SQLE: variants seen among roughly 807,000 people sequenced by gnomAD.
The protein encoded by SQLE is squalene monooxygenase.
SQLE carries 29 observed loss-of-function variants against 60.7 expected under a neutral mutation model. The observed-to-expected ratio is 0.48, with a 90% CI of 0.36 to 0.65. SQLE has a LOEUF of 0.65. SQLE is among the 30% of genes least tolerant of loss of function. SQLE has a pLI of 0.00. For missense variants in SQLE, 605 were observed against 684.1 expected (o/e 0.88, Z 1.29); for synonymous variants, 237 against 246.8 (o/e 0.96, Z 0.37).
chr8:125,004,125 T>C (rs933395309), intron 2 of SQLE, among the ~76,000 whole-genome samples: 1 of 152,220 alleles, frequency 6.6e-6, no homozygotes, highest in Non-Finnish European at 1.5e-5. Flanking sequence ...GTCACTAATA[T>C]ATATACTAGA....
intron 2 of SQLE, among the ~76,000 whole-genome samples, chr8:125,004,663 C>T (rs957989400): frequency 6.6e-6 from 1 of 151,718 alleles, no homozygotes; most frequent in Non-Finnish European, 1.5e-5. Context: ...TTACTATTGG[C>T]GTCTTAATAT....
In SQLE at chr8:125,003,158, C is replaced by CTTT. The variant is rs3083763; in HGVS notation, c.292-9_292-7dup. ...TAACAAATTTGGATACCTAGTTTAC[C>CTTT]TTTTTTTTTTTAAACAGCGCAGAAA... On this transcript the variant is annotated splice_polypyrimidine_tract_variant and intron_variant, in intron 1 of 10. Transcript: ENST00000265896. 1,266 of 1,340,148 alleles carry CTTT rather than the reference C, an allele frequency of 9.4e-4. No homozygotes were observed. The highest frequency in any genetic ancestry group is 3.8e-3 in the Admixed American group (165 of 43,706). The allele number at this position is 1,340,148 out of a possible 1,614,324, so 83.0% of individuals were successfully genotyped here.
At chr8:125,007,106 A>T (rs1000310240) in intron 3 of SQLE, among the ~76,000 whole-genome samples, 11 of 152,274 alleles carry the variant, frequency 7.2e-5, no homozygotes, top group Admixed American at 5.9e-4. Context: ...CCTATATTTT[A>T]TTTTTTAACA....
At chr8:125,009,491 C>T in intron 6 of SQLE, 148 bp downstream of exon 6, 1 of 863,934 alleles carries the variant, frequency 1.2e-6, no homozygotes, top group South Asian at 2.4e-5. Flanking sequence ...AACAAACTCC[C>T]AAATTAATAA....
Sources: gnomAD v4.1 joint callset for allele counts (sites outside exome capture counted in the v4.1 genomes callset) on GRCh38, gnomAD v4.1.1 for gene constraint, MANE v1.5 for transcripts, NCBI Gene and HGNC (gene_info 2026-07-23, HGNC 2026-07-21) for gene names.